SETD2: variants seen among roughly 807,000 people sequenced by gnomAD.
SETD2 encodes the protein histone-lysine N-methyltransferase SETD2.
SETD2 carries 31 observed loss-of-function variants against 242.1 expected under a neutral mutation model. The observed-to-expected ratio is 0.13, with a 90% CI of 0.10 to 0.17. SETD2 has a LOEUF of 0.17. Among genes scored for constraint, SETD2 ranks in the 10% least tolerant of loss-of-function variants. SETD2 has a pLI of 1.00. For missense variants in SETD2, 2,481 were observed against 3,046.3 expected (o/e 0.81, Z 4.37); for synonymous variants, 1,006 against 1,066.5 (o/e 0.94, Z 1.11).
intron 15 of SETD2, chr3:47,046,974 G>A (rs1328486961): frequency 1.3e-5 from 2 of 159,722 alleles, no homozygotes; most frequent in African/African-American, 4.8e-5. Context: ...ATGAAGTGCT[G>A]CTCCTGGGAT....
At chr3:47,127,022 G>T (rs1412679614) in intron 1 of SETD2, among the ~76,000 whole-genome samples, 1 of 152,156 alleles carries the variant, frequency 6.6e-6, no homozygotes, top group African/African-American at 2.4e-5. Flanking sequence ...CAGCAAAGAG[G>T]ACGATAAGCA....
chr3:47,083,019 C>A (rs563082120), intron 12 of SETD2, among the ~76,000 whole-genome samples: 1 of 152,182 alleles, frequency 6.6e-6, no homozygotes, highest in Non-Finnish European at 1.5e-5. Context: ...AGATCACTTA[C>A]AAATGAAATG....
intron 13 of SETD2, among the ~76,000 whole-genome samples, chr3:47,063,463 C>T (rs1333782193): frequency 6.6e-6 from 1 of 152,086 alleles, no homozygotes; most frequent in African/African-American, 2.4e-5. Flanking sequence ...GGCAACAGAG[C>T]AAGATCCTGT....
intron 15 of SETD2, among the ~76,000 whole-genome samples, chr3:47,048,550 TAA>T (rs1356892174): frequency 6.6e-6 from 1 of 151,466 alleles, no homozygotes; most frequent in African/African-American, 2.5e-5. Flanking sequence ...TGGGCTACAC[TAA>T]GTTTATTAAC....
chr3:47,136,554 A>G (rs185380730), intron 1 of SETD2, among the ~76,000 whole-genome samples: 15 of 152,290 alleles, frequency 9.8e-5, no homozygotes, highest in Admixed American at 6.5e-4. Flanking sequence ...CCAAATACTA[A>G]ATGTTCTCAC....
At chr3:47,118,664 CAAA>C (rs78178618) in intron 3 of SETD2, among the ~76,000 whole-genome samples, 8 of 85,550 alleles carry the variant, frequency 9.4e-5, no homozygotes, top group Non-Finnish European at 9.7e-5. Flanking sequence ...GACTCTGTCT[CAAA>C]AAAAAAAAAA....
chr3:47,104,753 CAAAACATCAA>C (rs2042343793), intron 6 of SETD2, among the ~76,000 whole-genome samples: 1 of 152,228 alleles, frequency 6.6e-6, no homozygotes, highest in South Asian at 2.1e-4. Context: ...TTTCTGGCCA[CAAAACATCAA>C]CAAACTTCTA....
chr3:47,024,319 A>G (rs776551309), intron 18 of SETD2, among the ~76,000 whole-genome samples: 20 of 151,516 alleles, frequency 1.3e-4, no homozygotes, highest in Non-Finnish European at 2.4e-4. Flanking sequence ...AAAAATACGA[A>G]AAATTAGCCA....
intron 9 of SETD2, among the ~76,000 whole-genome samples, chr3:47,091,075 C>T (rs1239238774): frequency 6.6e-6 from 1 of 152,162 alleles, no homozygotes; most frequent in Non-Finnish European, 1.5e-5. Flanking sequence ...CATTCTTTTT[C>T]ATTTCCAATA....
At chr3:47,150,609 G>GCAC (rs2106822834) in intron 1 of SETD2, among the ~76,000 whole-genome samples, 1 of 152,174 alleles carries the variant, frequency 6.6e-6, no homozygotes, top group Non-Finnish European at 1.5e-5. Context: ...AGTGCTATGA[G>GCAC]CACCAAGTCA....
chr3:47,031,499 T>G (rs1485560186), intron 18 of SETD2, among the ~76,000 whole-genome samples: 1 of 152,182 alleles, frequency 6.6e-6, no homozygotes. Flanking sequence ...GCTGACAAAA[T>G]GCATCAACAG....
At position 47,101,538 on chromosome 3, in the gene SETD2, T is replaced by C. The variant is rs1291443411; in HGVS notation, c.4935A>G (p.Gln1645=). The part of the protein sequence containing the change: ...CETQKWTVNG[Q]LRVGFFTTKL... ...TGGTGGTAAAAAACCCAACCCTCAG[T>C]TGTCCGTTCACAGTCCACTGAGATG... Residue 1645 remains glutamine, a synonymous_variant, in exon 8 of 21, where the codon CAA becomes CAG. Coordinates refer to ENST00000409792, the MANE Select transcript of SETD2 (RefSeq NM_014159.7). 2 of 1,612,388 alleles carry C rather than the reference T, an allele frequency of 1.2e-6. No individual in the cohort carries two copies. The highest frequency in any genetic ancestry group is 2.2e-5 in the South Asian group (2 of 91,038).
chr3:47,028,658 T>C (rs905931548), intron 18 of SETD2, among the ~76,000 whole-genome samples: 1 of 152,224 alleles, frequency 6.6e-6, no homozygotes, highest in Non-Finnish European at 1.5e-5. Flanking sequence ...ATGTCCAGTG[T>C]TCAACTGAAA....
chr3:47,030,280 A>G (rs1314399660), intron 18 of SETD2, among the ~76,000 whole-genome samples: 1 of 152,230 alleles, frequency 6.6e-6, no homozygotes, highest in African/African-American at 2.4e-5. Context: ...GCAGAAAAAT[A>G]TAACTGAAAT....
chr3:47,081,989 T>C (rs1321374973), intron 12 of SETD2, among the ~76,000 whole-genome samples: 1 of 152,146 alleles, frequency 6.6e-6, no homozygotes, highest in East Asian at 1.9e-4. Context: ...AAGCTACATA[T>C]AAAATTGCTT....
chr3:47,045,702 T>C (rs1238132319), intron 16 of SETD2, among the ~76,000 whole-genome samples: 1 of 146,410 alleles, frequency 6.8e-6, no homozygotes, highest in Admixed American at 6.9e-5. Flanking sequence ...AAAAAAAAAT[T>C]ATTACTTCAA....
rs2106660911 is a variant in SETD2 at position 47,121,797 on chromosome 3, C to T, written c.2839G>A (p.Glu947Lys). The T allele has an allele frequency of 3.1e-6, 5 of 1,614,112 alleles. No homozygotes were observed. Among genetic ancestry groups the T allele is most frequent in the Non-Finnish European group, 4.2e-6 (5 of 1,179,980 alleles). Residue 947 changes from glutamate to lysine, a missense_variant, in exon 3 of 21, where the codon GAG (glutamate) becomes AAG (lysine). Transcript: ENST00000409792. ...PDSGKGFASR[E>K]NRRNNGLSGK... ...GATAACCCATTATTACGCCTGTTCT[C>T]CCTGGAAGCAAATCCCTTTCCTGAA...
chr3:47,150,731 C>T (rs2043965004), intron 1 of SETD2, among the ~76,000 whole-genome samples: 1 of 151,828 alleles, frequency 6.6e-6, no homozygotes, highest in Admixed American at 6.6e-5. Flanking sequence ...CCTGTAATCC[C>T]AGCACTTTGG....
At chr3:47,105,661 C>A in intron 6 of SETD2, 1 of 451,730 alleles carries the variant, frequency 2.2e-6, no homozygotes, top group Non-Finnish European at 4.4e-6. Context: ...CACGGTGGCT[C>A]ATGCCTGTAA....
Sources: gnomAD v4.1 joint callset for allele counts (sites outside exome capture counted in the v4.1 genomes callset) on GRCh38, gnomAD v4.1.1 for gene constraint, MANE v1.5 for transcripts, NCBI Gene and HGNC (gene_info 2026-07-23, HGNC 2026-07-21) for gene names.